The following CCNJL variants were observed in gnomAD, a reference collection of about 807,000 sequenced individuals.
CCNJL encodes the protein cyclin-J-like protein.
Under a neutral mutation model 33.4 loss-of-function variants are expected in CCNJL, and 33 were observed. The observed-to-expected ratio is 0.99, with a 90% CI of 0.75 to 1.32. The LOEUF is 1.32. CCNJL is among the 40% of genes most tolerant of loss of function. The probability of loss-of-function intolerance (pLI) is 0.00; values close to 1 mark genes in which losing one functional copy is unlikely to be tolerated. For synonymous variants in CCNJL, 227 were observed against 220.9 expected, an observed-to-expected ratio of 1.03 and a Z score of -0.24; for missense variants, 512 against 499.7, an observed-to-expected ratio of 1.02 and a Z score of -0.23.
intron 1 of CCNJL, among the ~76,000 whole-genome samples, chr5:160,330,458 G>A (rs1180412845): frequency 6.6e-6 from 1 of 152,080 alleles, no homozygotes; most frequent in East Asian, 1.9e-4. Context: ...TCCGCACCAT[G>A]GGCCTAAAGG....
chr5:160,275,814 G>A (rs1761989991), intron 3 of CCNJL, among the ~76,000 whole-genome samples: 1 of 152,054 alleles, frequency 6.6e-6, no homozygotes, highest in Admixed American at 6.5e-5. Context: ...ATGCCCTGGG[G>A]CCAAAGACTC....
intron 2 of CCNJL, among the ~76,000 whole-genome samples, chr5:160,283,326 T>C (rs1762302787): frequency 6.6e-6 from 1 of 152,142 alleles, no homozygotes; most frequent in Admixed American, 6.6e-5. Context: ...AGATTAGTGG[T>C]TGCCAGAGGT....
chr5:160,328,837 G>A (rs530428529), intron 1 of CCNJL, among the ~76,000 whole-genome samples: 14 of 151,310 alleles, frequency 9.3e-5, no homozygotes, highest in African/African-American at 2.2e-4. Context: ...CCAAGAGCAC[G>A]CCACTGCACT....
At position 160,253,409 on chromosome 5, in the gene CCNJL, T is replaced by G. The variant is rs541758503; in HGVS notation, c.1133A>C (p.His378Pro). 2 of 1,596,554 alleles carry G rather than the reference T, an allele frequency of 1.3e-6. No individual in the cohort carries two copies. Among genetic ancestry groups the G allele is most frequent in the African/African-American group, 2.7e-5 (2 of 74,872 alleles). The change falls in exon 6 of 6, where the codon CAC becomes CCC. Residue 378 changes from histidine to proline, a missense_variant. By Grantham distance (77) the His-to-Pro change is moderately conservative. Transcript: ENST00000257536. ...GTCAAAGCAGCCGGTGGGGAACATG[T>G]GGCTCCCACTGAAGTAGCTGCTTCC... ...TYGSSYFSGS[H>P]MFPTGCFDR
At chr5:160,288,760 G>A (rs1456064070) in intron 2 of CCNJL, among the ~76,000 whole-genome samples, 1 of 151,084 alleles carries the variant, frequency 6.6e-6, no homozygotes, top group South Asian at 2.1e-4. Flanking sequence ...AACCCGGGGG[G>A]GCGGAGCTTG....
At position 160,255,717 on chromosome 5, in the gene CCNJL, A is replaced by C; in HGVS notation, c.584-9T>G. On this transcript the variant is annotated splice_polypyrimidine_tract_variant and intron_variant, in intron 4 of 5. Transcript: ENST00000257536. ...TTTGTAGAATATGTGATCTGAAAGA[A>C]AGCCACGGAGGGAGTCAGCATCCAA... 1 of 1,613,168 alleles carries C rather than the reference A, an allele frequency of 6.2e-7. No individual in the cohort carries two copies. The highest frequency in any genetic ancestry group is 8.5e-7 in the Non-Finnish European group (1 of 1,179,896).
chr5:160,333,016 G>C (rs944070340), intron 1 of CCNJL, among the ~76,000 whole-genome samples: 5 of 152,090 alleles, frequency 3.3e-5, no homozygotes, highest in African/African-American at 9.7e-5. Context: ...TGGGCATGGT[G>C]GCTCACATCT....
chr5:160,262,796 T>C (rs1761401884), intron 3 of CCNJL, among the ~76,000 whole-genome samples: 1 of 152,252 alleles, frequency 6.6e-6, no homozygotes, highest in Non-Finnish European at 1.5e-5. Flanking sequence ...AGTTTCCTGA[T>C]GCTGCACGTG....
At chr5:160,293,130 T>C (rs112174854) in intron 2 of CCNJL, among the ~76,000 whole-genome samples, 1 of 152,286 alleles carries the variant, frequency 6.6e-6, no homozygotes, top group Admixed American at 6.5e-5. Flanking sequence ...TTCAAAATAA[T>C]GTTTTAGGCT....
At chr5:160,294,696 G>C (rs1036959504) in intron 2 of CCNJL, 1 of 152,456 alleles carries the variant, frequency 6.6e-6, no homozygotes, top group African/African-American at 2.4e-5. Context: ...CTTTACTTCT[G>C]CCAGCTTCCT....
At chr5:160,255,454 T>G (rs1761017232) in intron 5 of CCNJL, 95 bp downstream of exon 5, 3 of 1,188,176 alleles carry the variant, frequency 2.5e-6, no homozygotes, top group Admixed American at 1.9e-5. Context: ...CACCACAAGT[T>G]CCAGACTCTG....
intron 3 of CCNJL, among the ~76,000 whole-genome samples, chr5:160,279,066 C>T (rs1008869948): frequency 3.9e-5 from 6 of 152,206 alleles, no homozygotes; most frequent in Admixed American, 1.3e-4. Context: ...AAGGTGCCAG[C>T]GTGGAAAACG....
chr5:160,339,313 AAGTGATTATC>A (rs1203457576), intron 1 of CCNJL: 3 of 242,486 alleles, frequency 1.2e-5, no homozygotes, highest in Non-Finnish European at 2.5e-5. Context: ...GCCAGAGTGA[AAGTGATTATC>A]ACTTTGTAAC....
intron 4 of CCNJL, chr5:160,258,271 G>A: frequency 1.4e-6 from 1 of 712,622 alleles, no homozygotes; most frequent in South Asian, 1.5e-5. Context: ...CAAGAAGGCT[G>A]TTGCAGCATC....
intron 2 of CCNJL, among the ~76,000 whole-genome samples, chr5:160,297,654 C>CAAAAAAAAAAAAAA (rs59634260): frequency 2.8e-5 from 3 of 107,618 alleles, no homozygotes; most frequent in Non-Finnish European, 4.0e-5. Flanking sequence ...TCTCTATTTA[C>CAAAAAAAAAAAAAA]AAAAAAAAAA....
intron 1 of CCNJL, among the ~76,000 whole-genome samples, chr5:160,338,855 G>C (rs998312648): frequency 6.6e-6 from 1 of 151,908 alleles, no homozygotes; most frequent in African/African-American, 2.4e-5. Flanking sequence ...GCAGTGGCGC[G>C]ATCTCAGCTC....
intron 3 of CCNJL, among the ~76,000 whole-genome samples, chr5:160,268,919 G>A (rs929003609): frequency 6.6e-6 from 1 of 152,182 alleles, no homozygotes; most frequent in East Asian, 1.9e-4. Flanking sequence ...CCTCTCTCAA[G>A]AGCAGGGCTG....
rs1189140816 is a variant in CCNJL at position 160,320,850 on chromosome 5, CTTCT to C, written n.207-5349_207-5346del. Among the ~76,000 whole-genome samples, 153 of 55,570 alleles carry C rather than the reference CTTCT, an allele frequency of 2.8e-3. 1 individual carries two copies. Among genetic ancestry groups the C allele is most frequent in the Non-Finnish European group, 3.7e-3 (99 of 26,450 alleles). The allele number at this position is 55,570 out of a possible 152,430, so 36.5% of individuals were successfully genotyped here. ...CTTTCTTTCTTTCTTTCTTTCTTTC[CTTCT>C]TTCTTTCTTTCTTTCTCTCTTTCTT... On this transcript the variant is annotated intron_variant and non_coding_transcript_variant, in intron 1 of 7. Coordinates refer to the CCNJL transcript ENST00000377503.
intron 2 of CCNJL, among the ~76,000 whole-genome samples, chr5:160,293,170 G>A (rs1345873687): frequency 6.6e-6 from 1 of 152,200 alleles, no homozygotes; most frequent in Non-Finnish European, 1.5e-5. Context: ...TGTAATCCCA[G>A]CACTTTGGGA....
Sources: allele counts gnomAD v4.1 joint callset (sites outside exome capture counted in the v4.1 genomes callset), GRCh38; gene constraint gnomAD v4.1.1; transcripts MANE v1.5; gene names NCBI Gene and HGNC (gene_info 2026-07-23, HGNC 2026-07-21).